CDC42: variants seen among roughly 807,000 people sequenced by gnomAD.
The protein encoded by CDC42 is cell division control protein 42 homolog.
CDC42 carries 1 observed loss-of-function variant against 20.8 expected under a neutral mutation model. That is an observed-to-expected ratio of 0.05 (90% CI 0.02 to 0.23). The LOEUF is 0.23. Ranked by LOEUF, CDC42 falls within the 10% of genes least tolerant of loss-of-function variation. CDC42 has a pLI of 1.00. For missense variants in CDC42, 49 were observed against 227.9 expected (o/e 0.21, Z 5.05); for synonymous variants, 72 against 84.8 (o/e 0.85, Z 0.83).
chr1:22,075,213 C>T (rs554438646), intron 1 of CDC42, among the ~76,000 whole-genome samples: 48 of 152,288 alleles, frequency 3.2e-4, no homozygotes, highest in African/African-American at 1.0e-3. Flanking sequence ...CGGTAGCCTC[C>T]TATAGTTTTT....
chr1:22,068,863 C>T (rs1645451663), intron 1 of CDC42: 1 of 152,308 alleles, frequency 6.6e-6, no homozygotes, highest in South Asian at 2.1e-4. Flanking sequence ...TGGCCACCTG[C>T]TGTTTCTTAG....
chr1:22,080,578 T>C (rs1645597046), intron 2 of CDC42, among the ~76,000 whole-genome samples: 1 of 151,508 alleles, frequency 6.6e-6, no homozygotes, highest in Non-Finnish European at 1.5e-5. Flanking sequence ...GCTTTTCTTT[T>C]TATAGATATC....
chr1:22,083,934 CATA>C (rs16861132), intron 3 of CDC42, among the ~76,000 whole-genome samples: 18 of 152,224 alleles, frequency 1.2e-4, no homozygotes, highest in African/African-American at 4.1e-4. Context: ...TTTTACATAG[CATA>C]ATGTTTGTGA....
At chr1:22,069,003 G>A (rs1225435008) in intron 1 of CDC42, among the ~76,000 whole-genome samples, 1 of 152,102 alleles carries the variant, frequency 6.6e-6, no homozygotes, top group African/African-American at 2.4e-5. Context: ...CCAAGAGGGC[G>A]TGAACTTTGT....
chr1:22,077,991 G>T (rs1645569543), intron 1 of CDC42, among the ~76,000 whole-genome samples: 1 of 152,184 alleles, frequency 6.6e-6, no homozygotes, highest in Non-Finnish European at 1.5e-5. Flanking sequence ...GGCTGAATAA[G>T]GCTGGATCAT....
At chr1:22,061,532 C>T (rs12040809) in intron 1 of CDC42, among the ~76,000 whole-genome samples, 13,050 of 36,186 alleles carry the variant, frequency 0.36, 3,846 homozygotes, top group South Asian at 0.66. Flanking sequence ...ATGTTTCTTT[C>T]TTTTTTTTTT....
intron 5 of CDC42, chr1:22,090,658 C>A: frequency 4.1e-6 from 4 of 985,326 alleles, no homozygotes; most frequent in Non-Finnish European, 4.8e-6. Context: ...GAATAACATC[C>A]ATTTAAACAG....
chr1:22,063,435 G>A (rs770675082), intron 1 of CDC42, among the ~76,000 whole-genome samples: 1 of 152,110 alleles, frequency 6.6e-6, no homozygotes, highest in Non-Finnish European at 1.5e-5. Flanking sequence ...CCAGTGTAAT[G>A]CTGTAGTAGG....
rs756674718 is a variant in CDC42, at chr1:22,100,026, CTTCT to C, written c.*8512_*8515del. On this transcript the variant is annotated 3_prime_UTR_variant, in exon 6 of 6. Transcript: ENST00000656825. Reference sequence around the variant, plus strand: ...CCTTTTTTTCTTTCTTCTTCTTCTTCTTCTTTTTTTTTTTTTTTGTATAATAGGC... The same window carrying C: ...CCTTTTTTTCTTTCTTCTTCTTCTTCTTTTTTTTTTTTTTGTATAATAGGC... Among the ~76,000 whole-genome samples, 1,278 of 57,586 alleles carry C rather than the reference CTTCT, an allele frequency of 0.022. 33 individuals are homozygous for C. Among genetic ancestry groups the C allele is most frequent in the Non-Finnish European group, 0.034 (987 of 29,420 alleles). The allele number at this position is 57,586 out of a possible 152,430, so 37.8% of individuals were successfully genotyped here.
chr1:22,063,649 C>T (rs1416437231), intron 1 of CDC42, among the ~76,000 whole-genome samples: 1 of 152,072 alleles, frequency 6.6e-6, no homozygotes, highest in East Asian at 1.9e-4. Context: ...GCGCTTTTTT[C>T]CCCTTTAGGA....
chr1:22,062,730 T>TAAAAAA (rs531472151), intron 1 of CDC42, among the ~76,000 whole-genome samples: 1 of 69,402 alleles, frequency 1.4e-5, no homozygotes, highest in Non-Finnish European at 2.5e-5. Flanking sequence ...TGGCTCTATT[T>TAAAAAA]AAAAAAAAAA....
intron 1 of CDC42, among the ~76,000 whole-genome samples, chr1:22,065,128 A>G (rs1645408120): frequency 6.6e-6 from 1 of 152,252 alleles, no homozygotes; most frequent in African/African-American, 2.4e-5. Context: ...AAGAGTTTTA[A>G]GTAGCTTGCC....
chr1:22,100,419 A>G lies in CDC42; in HGVS notation c.*8902A>G, dbSNP rs1026738329. Among the ~76,000 whole-genome samples the G allele has an allele frequency of 6.6e-6, 1 of 152,198 alleles. No individual in the cohort carries two copies. Among genetic ancestry groups the G allele is most frequent in the African/African-American group, 2.4e-5 (1 of 41,430 alleles). On this transcript the variant is annotated 3_prime_UTR_variant, in exon 6 of 6. Transcript: ENST00000656825. ...TTGGTGTTGTGCGAAGTACATGCATAGGCTTTGGATTTGAGTTTGGCTCTG... is the reference window on the plus strand; with the variant it reads ...TTGGTGTTGTGCGAAGTACATGCATGGGCTTTGGATTTGAGTTTGGCTCTG...
chr1:22,061,528 C>CTTTTT lies in CDC42; in HGVS notation c.-51+8789_-51+8790insTTTTT, dbSNP rs1404317396. Among the ~76,000 whole-genome samples, 4 of 86,304 alleles carry CTTTTT rather than the reference C, an allele frequency of 4.6e-5. 2 individuals are homozygous for CTTTTT. Among genetic ancestry groups the CTTTTT allele is most frequent in the Non-Finnish European group, 4.4e-5 (2 of 45,672 alleles). The allele number at this position is 86,304 out of a possible 152,430, so 56.6% of individuals were successfully genotyped here. On this transcript the variant is annotated intron_variant, in intron 1 of 5. Coordinates refer to ENST00000656825, the MANE Select transcript of CDC42 (RefSeq NM_001791.4). ...GGTCAATCAGTTTAACTTCATGTTT[C>CTTTTT]TTTCTTTTTTTTTTTTTTTTTTTTT...
chr1:22,091,498 G>A lies in CDC42; in HGVS notation c.557G>A (p.Arg186His), dbSNP rs756680625. 8 of 1,612,394 alleles carry A rather than the reference G, an allele frequency of 5.0e-6. No homozygotes were observed. Among genetic ancestry groups the A allele is most frequent in the East Asian group, 4.5e-5 (2 of 44,872 alleles). The change falls in exon 6 of 6, where the codon CGC (arginine) becomes CAC (histidine). Residue 186 changes from arginine (R) to histidine (H), a missense_variant. Transcript: ENST00000656825. ...GAGCCTCCAGAACCGAAGAAGAGCC[G>A]CAGGTGTGTGCTGCTATGAACATCT... ...ALEPPEPKKSRRCVLL is the reference protein window; with the variant it reads ...ALEPPEPKKSHRCVLL
In CDC42 at chr1:22,078,296, C is replaced by T. The variant is rs1645572781; in HGVS notation, c.-50-133C>T. On this transcript the variant is annotated intron_variant, in intron 1 of 5. Transcript: ENST00000656825. The stretch of plus-strand genomic sequence containing the variant: ...TAACTTATAGCAAGTCATTGTGTCT[C>T]TTATTGGGTTCTTTTAGCCATAATA... 5 of 487,812 alleles carry T rather than the reference C, an allele frequency of 1.0e-5. No individual in the cohort carries two copies. The Admixed American group carries it at 1.1e-4, about 11-fold the overall frequency. The allele number at this position is 487,812 out of a possible 1,614,324, so 30.2% of individuals were successfully genotyped here. A position where few individuals can be genotyped will look rare whatever the true frequency, so the allele number is the denominator to read the frequency against.
At chr1:22,075,133 T>C (rs1017616623) in intron 1 of CDC42, among the ~76,000 whole-genome samples, 1 of 152,206 alleles carries the variant, frequency 6.6e-6, no homozygotes, top group African/African-American at 2.4e-5. Flanking sequence ...TGTGAAACTT[T>C]AGCATGAGTA....
rs1645663013 is a variant in CDC42 at position 22,086,427 on chromosome 1, T to G, written c.179-12T>G. The stretch of plus-strand genomic sequence containing the variant: ...GTTGCTGAATTCTCTCCAATATTTT[T>G]CTTTTTTCTAGGGCAAGAGGATTAT... On this transcript the variant is annotated splice_polypyrimidine_tract_variant and intron_variant, in intron 3 of 5. Coordinates refer to ENST00000656825, the MANE Select transcript of CDC42 (RefSeq NM_001791.4). 1.3e-6 allele frequency: 2 copies of G among 1,556,534 alleles called. No homozygotes were observed. Among genetic ancestry groups the G allele is most frequent in the Non-Finnish European group, 1.8e-6 (2 of 1,140,204 alleles).
Position 22,093,115 on chromosome 1 carries a change from A to C in CDC42, c.*1598A>C, listed in dbSNP as rs565012886. Among the ~76,000 whole-genome samples, 1 of 152,098 alleles carries C rather than the reference A, an allele frequency of 6.6e-6. No homozygotes were observed. The highest frequency in any genetic ancestry group is 2.4e-5 in the African/African-American group (1 of 41,416). On this transcript the variant is annotated 3_prime_UTR_variant, in exon 6 of 6. Transcript: ENST00000656825. The stretch of plus-strand genomic sequence containing the variant: ...AGTTTGAGATAATATTTAGCCCTCT[A>C]TATGTTCAGGTTTGTGCTTTCTCCT...
Sources: gnomAD v4.1 joint callset for allele counts (sites outside exome capture counted in the v4.1 genomes callset) on GRCh38, gnomAD v4.1.1 for gene constraint, MANE v1.5 for transcripts, NCBI Gene and HGNC (gene_info 2026-07-23, HGNC 2026-07-21) for gene names.